The following NAA38 variants were observed in gnomAD, a reference collection of about 807,000 sequenced individuals.
NAA38 encodes the protein LSM domain containing 1.
Under a neutral mutation model 12.6 loss-of-function variants are expected in NAA38, and 15 were observed. That is an observed-to-expected ratio of 1.19 (90% CI 0.79 to 1.83). The LOEUF (loss-of-function observed/expected upper bound fraction) is 1.83, where lower values mean the gene tolerates loss of function less well. NAA38 is among the 40% of genes most tolerant of loss of function. The pLI, the probability that NAA38 is intolerant of heterozygous loss-of-function variation, is 0.00. For synonymous variants in NAA38, 88 were observed against 69.9 expected (o/e 1.26, Z -1.29); for missense variants, 183 against 171.7 (o/e 1.07, Z -0.37).
chr17:7,856,820 G>C lies in NAA38; in HGVS notation c.289C>G (p.Arg97Gly). 6.2e-7 allele frequency: 1 copy of C among 1,613,850 alleles called. No individual in the cohort carries two copies. Among genetic ancestry groups the C allele is most frequent in the East Asian group, 2.2e-5 (1 of 44,878 alleles). ...GGTACCATGGCCAGGCCCAGCACACGGGGCTCCCCGGCAGAGAAGGAATCT... is the reference window on the plus strand; with the variant it reads ...GGTACCATGGCCAGGCCCAGCACACCGGGCTCCCCGGCAGAGAAGGAATCT... ...PSDSFSAGEP[R>G]VLGLAMVPGH... The change falls in exon 3 of 3, where the codon CGT (arginine) becomes GGT (glycine). Residue 97 changes from arginine (R) to glycine (G), a missense_variant. Coordinates refer to ENST00000575771, the MANE Select transcript of NAA38 (RefSeq NM_001320925.4).
chr17:7,858,244 CTT>C (rs773357268), upstream of NAA38: 4 of 1,614,024 alleles, frequency 2.5e-6, no homozygotes, highest in South Asian at 4.4e-5. Context: ...CTCTGGGTAT[CTT>C]ACCTGGGACG....
intron 2 of NAA38, 27 bp downstream of exon 2, chr17:7,856,988 G>A (rs1410745918): frequency 1.5e-5 from 24 of 1,593,996 alleles, no homozygotes; most frequent in Non-Finnish European, 1.8e-5. Flanking sequence ...ACATTACCAG[G>A]CGGGTGTGCA....
At chr17:7,862,895 G>T (rs1174419236), upstream of NAA38, 1 of 152,170 alleles carries the variant, frequency 6.6e-6, no homozygotes, top group Non-Finnish European at 1.5e-5. Context: ...CCAAAGTTAG[G>T]ATGGGAAGGT....
At chr17:7,885,040 G>GCCGCCGCCACCGCTGCCC in intron 1 of NAA38, 4 of 1,114,034 alleles carry the variant, frequency 3.6e-6, no homozygotes, top group Non-Finnish European at 4.4e-6. Context: ...CGCCGCCGCC[G>GCCGCCGCCACCGCTGCCC]CCGCCGCCAC....
At chr17:7,885,264 A>C, upstream of NAA38, 1 of 313,724 alleles carries the variant, frequency 3.2e-6, no homozygotes, top group Non-Finnish European at 4.3e-6. Context: ...GGCGGCTGCG[A>C]CCGCGGGGCC....
intron 2 of NAA38, among the ~76,000 whole-genome samples, chr17:7,872,394 C>G (rs769568710): frequency 6.6e-6 from 1 of 152,164 alleles, no homozygotes; most frequent in South Asian, 2.1e-4. Context: ...TTTTTTGAGA[C>G]GGAGTCGCTC....
rs928281567 is a variant in NAA38, at chr17:7,857,545, G to A, written c.-82C>T. ...GGTCCGAGATCTCGCGAGCGCTCCC[G>A]ACCTCTTTCCTTTCGCGAGATCCCC... is the stretch of plus-strand genomic sequence containing the variant. On this transcript the variant is annotated 5_prime_UTR_variant, in exon 1 of 3. Transcript: ENST00000575771. 7 of 1,446,738 alleles carry A rather than the reference G, an allele frequency of 4.8e-6. No homozygotes were observed. The highest frequency in any genetic ancestry group is 5.7e-5 in the Admixed American group (2 of 34,794). The allele number at this position is 1,446,738 out of a possible 1,614,324, so 89.6% of individuals were successfully genotyped here. A position where few individuals can be genotyped will look rare whatever the true frequency, so the allele number is the denominator to read the frequency against.
chr17:7,866,481 A>G (rs947183983), intron 3 of NAA38: 22 of 1,231,378 alleles, frequency 1.8e-5, no homozygotes, highest in Non-Finnish European at 2.2e-5. Flanking sequence ...ATGAACTTAG[A>G]AACCCTTACC....
upstream of NAA38, chr17:7,857,711 A>T: frequency 1.5e-6 from 2 of 1,298,030 alleles, no homozygotes. Flanking sequence ...TTTCTTACAC[A>T]TCCTTTAGAA....
chr17:7,884,459 T>TATATATATATATATATGTATATATATAC (rs1448949406), intron 1 of NAA38, among the ~76,000 whole-genome samples: 1 of 39,842 alleles, frequency 2.5e-5, no homozygotes, highest in Non-Finnish European at 9.1e-5. Context: ...TATATATACA[T>TATATATATATATATATGTATATATATAC]ATATATATAT....
chr17:7,879,424 C>G (rs980780415), intron 2 of NAA38, among the ~76,000 whole-genome samples: 2 of 151,998 alleles, frequency 1.3e-5, no homozygotes, highest in African/African-American at 4.8e-5. Flanking sequence ...ACCGTGAAAA[C>G]ATATGTGACA....
intron 1 of NAA38, chr17:7,884,935 TGAGGAGGACGAC>T: frequency 7.4e-7 from 1 of 1,348,602 alleles, no homozygotes; most frequent in Non-Finnish European, 9.7e-7. Context: ...ACGAGGACGA[TGAGGAGGACGAC>T]GACGAGGGAG....
intron 2 of NAA38, among the ~76,000 whole-genome samples, chr17:7,880,599 TCACATGACCTTACAGAATTCATA>T (rs1234174397): frequency 6.6e-6 from 1 of 152,174 alleles, no homozygotes; most frequent in Admixed American, 6.5e-5. Flanking sequence ...GGATCTGGAT[TCACATGACCTTACAGAATTCATA>T]TAGACTAAGT....
upstream of NAA38, among the ~76,000 whole-genome samples, chr17:7,885,413 G>GGGA (rs1007047520): frequency 6.7e-6 from 1 of 149,534 alleles, no homozygotes; most frequent in Non-Finnish European, 1.5e-5. Flanking sequence ...CGGCTTTCGG[G>GGGA]GGAGGAGGAG....
intron 2 of NAA38, among the ~76,000 whole-genome samples, chr17:7,880,397 G>A (rs1232282159): frequency 6.6e-6 from 1 of 152,168 alleles, no homozygotes; most frequent in Non-Finnish European, 1.5e-5. Context: ...AAAGAACAGT[G>A]CATTGTGTGT....
intron 3 of NAA38, among the ~76,000 whole-genome samples, chr17:7,866,298 C>T (rs1430103213): frequency 1.3e-4 from 16 of 120,182 alleles, no homozygotes; most frequent in African/African-American, 1.9e-4. Context: ...TTAGTAGAGA[C>T]GGGGTTTTAC....
At chr17:7,860,286 G>GGA (rs2151386799), upstream of NAA38, 1 of 152,030 alleles carries the variant, frequency 6.6e-6, no homozygotes, top group East Asian at 1.9e-4. Context: ...TGAGTAGCTG[G>GGA]GACTTCAGGT....
At chr17:7,862,380 T>C (rs1256827455), upstream of NAA38, 5 of 152,188 alleles carry the variant, frequency 3.3e-5, no homozygotes, top group African/African-American at 9.7e-5. Context: ...TCCTGTGCTA[T>C]AGTCTCTATC....
intron 3 of NAA38, chr17:7,866,408 G>T (rs1038865996): frequency 7.0e-6 from 8 of 1,145,686 alleles, no homozygotes; most frequent in Non-Finnish European, 8.8e-6. Flanking sequence ...GCGCCCGGCC[G>T]CCACGGGGAA....
Sources: gnomAD v4.1 joint callset for allele counts (sites outside exome capture counted in the v4.1 genomes callset) on GRCh38, gnomAD v4.1.1 for gene constraint, MANE v1.5 for transcripts, NCBI Gene and HGNC (gene_info 2026-07-23, HGNC 2026-07-21) for gene names.